ATL3: variants seen among roughly 807,000 people sequenced by gnomAD.
ATL3 encodes atlastin-3.
A neutral mutation model predicts 69.5 loss-of-function variants in ATL3; 49 were observed. The ratio of observed to expected loss-of-function variants is 0.71; its 90% CI spans 0.56 to 0.89. ATL3 has a LOEUF of 0.89. ATL3 is among the 40% of genes least tolerant of loss of function. ATL3 has a pLI of 0.00. For synonymous variants in ATL3, 214 were observed against 224.1 expected (o/e 0.95, Z 0.40); for missense variants, 606 against 645.7 (o/e 0.94, Z 0.67).
At chr11:63,642,637 C>T (rs1305395933) in intron 8 of ATL3, among the ~76,000 whole-genome samples, 1 of 152,174 alleles carries the variant, frequency 6.6e-6, no homozygotes, top group East Asian at 1.9e-4. Context: ...TAACTTTCCT[C>T]CTTTTCCTTA....
intron 11 of ATL3, chr11:63,632,259 T>C (rs1939346282): frequency 1.4e-6 from 1 of 736,938 alleles, no homozygotes; most frequent in Non-Finnish European, 2.6e-6. Flanking sequence ...TCTGACTTGT[T>C]GGCTATGCTA....
At chr11:63,644,485 G>C (rs913496873) in intron 6 of ATL3, among the ~76,000 whole-genome samples, 1 of 151,214 alleles carries the variant, frequency 6.6e-6, no homozygotes, top group Non-Finnish European at 1.5e-5. Flanking sequence ...GAATTCCTGG[G>C]CTCAAGTGAT....
chr11:63,666,681 A>G (rs1216616512), intron 1 of ATL3, among the ~76,000 whole-genome samples: 1 of 149,662 alleles, frequency 6.7e-6, no homozygotes, highest in South Asian at 2.2e-4. Context: ...AAGTGCTGGG[A>G]TTACAGGCAT....
intron 6 of ATL3, 32 bp downstream of exon 6, chr11:63,646,475 G>C: frequency 7.5e-7 from 1 of 1,331,422 alleles, no homozygotes; most frequent in Non-Finnish European, 1.0e-6. Context: ...AAAAACAAAG[G>C]TATGAATTAT....
chr11:63,652,911 G>C (rs1265671338), intron 3 of ATL3, among the ~76,000 whole-genome samples: 1 of 152,172 alleles, frequency 6.6e-6, no homozygotes, highest in Non-Finnish European at 1.5e-5. Flanking sequence ...TATTCATCTT[G>C]GCCAGGTGCA....
chr11:63,662,624 C>T (rs1166162438), intron 1 of ATL3, among the ~76,000 whole-genome samples: 1 of 152,020 alleles, frequency 6.6e-6, no homozygotes, highest in Non-Finnish European at 1.5e-5. Context: ...GGACTACAGG[C>T]ATTCATCACC....
intron 8 of ATL3, among the ~76,000 whole-genome samples, chr11:63,638,430 C>A (rs1170346745): frequency 6.6e-6 from 1 of 152,066 alleles, no homozygotes; most frequent in African/African-American, 2.4e-5. Context: ...CTAGGCCTAG[C>A]GTGGTGGCCC....
chr11:63,636,100 C>A (rs567967098), intron 9 of ATL3, 107 bp downstream of exon 9: 22 of 1,435,510 alleles, frequency 1.5e-5, no homozygotes, highest in Admixed American at 2.1e-5. Context: ...CTCACCATCT[C>A]CCCCAGAAAA....
At chr11:63,641,947 T>C (rs1390723383) in intron 8 of ATL3, among the ~76,000 whole-genome samples, 1 of 152,150 alleles carries the variant, frequency 6.6e-6, no homozygotes, top group Non-Finnish European at 1.5e-5. Flanking sequence ...TAATTCACCC[T>C]CTCCTAACAC....
At chr11:63,643,285 G>T in intron 8 of ATL3, 72 bp downstream of exon 8, 2 of 1,433,148 alleles carry the variant, frequency 1.4e-6, no homozygotes, top group South Asian at 1.4e-5. Flanking sequence ...GCATTCACTT[G>T]ATTTGTAAGT....
Position 63,659,258 on chromosome 11 carries a change from T to A in ATL3, c.47-6A>T, listed in dbSNP as rs547112957. ...GCTGCTCTCCATGGCATCATCTATGTTCATGCAGAGAAAAAAAATCAGTGT... is the reference window on the plus strand; with the variant it reads ...GCTGCTCTCCATGGCATCATCTATGATCATGCAGAGAAAAAAAATCAGTGT... On this transcript the variant is annotated splice_region_variant and splice_polypyrimidine_tract_variant and intron_variant, in intron 1 of 12. Transcript: ENST00000398868. 25 of 1,611,142 alleles carry A rather than the reference T, an allele frequency of 1.6e-5. No individual in the cohort carries two copies. In the African/African-American group the frequency reaches 2.5e-4, roughly 16 times the overall value.
chr11:63,645,957 A>G (rs1939862585), intron 6 of ATL3, among the ~76,000 whole-genome samples: 1 of 151,914 alleles, frequency 6.6e-6, no homozygotes, highest in Non-Finnish European at 1.5e-5. Context: ...TAGTAGAGAC[A>G]GGTTCCATGT....
chr11:63,660,139 T>G (rs1940378114), intron 1 of ATL3, among the ~76,000 whole-genome samples: 1 of 151,632 alleles, frequency 6.6e-6, no homozygotes, highest in South Asian at 2.1e-4. Flanking sequence ...CAGACTTCAT[T>G]AAAATTAAAA....
chr11:63,627,090 A>T lies in ATL3; in HGVS notation c.*2229T>A, dbSNP rs1939138019. The T allele has an allele frequency of 6.6e-6, 1 of 152,202 alleles. No homozygotes were observed. The highest frequency in any genetic ancestry group is 2.4e-5 in the African/African-American group (1 of 41,470). 9.4% of individuals were successfully genotyped at this position (152,202 alleles called of 1,614,324 possible). A position where few individuals can be genotyped will look rare whatever the true frequency, so the allele number is the denominator to read the frequency against. On this transcript the variant is annotated 3_prime_UTR_variant, in exon 13 of 13. Transcript: ENST00000398868. ...ATTATCACTTTTTTTAAAGTGACCT[A>T]ATACTTTAGTATGAGTTTTCGACAC...
intron 11 of ATL3, 167 bp downstream of exon 11, chr11:63,632,859 C>CAAAG: frequency 1.3e-6 from 1 of 767,970 alleles, no homozygotes; most frequent in South Asian, 1.8e-5. Context: ...AACAAACAAA[C>CAAAG]AAAGAAATGG....
intron 1 of ATL3, among the ~76,000 whole-genome samples, chr11:63,660,615 G>A (rs911654615): frequency 1.3e-5 from 2 of 152,094 alleles, no homozygotes; most frequent in African/African-American, 2.4e-5. Flanking sequence ...ATATATACAA[G>A]AATGTTGAGC....
chr11:63,671,713 CAT>C, upstream of ATL3: 1 of 1,284,336 alleles, frequency 7.8e-7, no homozygotes, highest in Non-Finnish European at 1.0e-6. Flanking sequence ...CAGCGGTCCT[CAT>C]ACTGCGCACT....
At chr11:63,644,974 G>A (rs1939820819) in intron 6 of ATL3, among the ~76,000 whole-genome samples, 1 of 152,082 alleles carries the variant, frequency 6.6e-6, no homozygotes, top group South Asian at 2.1e-4. Flanking sequence ...CCAGCTACTT[G>A]GGAGGCTGAG....
At chr11:63,629,849 C>T (rs1939247569) in intron 12 of ATL3, among the ~76,000 whole-genome samples, 1 of 151,818 alleles carries the variant, frequency 6.6e-6, no homozygotes, top group African/African-American at 2.4e-5. Context: ...AGATACCAGC[C>T]TGGGTGACAA....
Sources: allele counts gnomAD v4.1 joint callset (sites outside exome capture counted in the v4.1 genomes callset), GRCh38; gene constraint gnomAD v4.1.1; transcripts MANE v1.5; gene names NCBI Gene and HGNC (gene_info 2026-07-23, HGNC 2026-07-21).